Variants in MYO3B observed in about 807,000 individuals in gnomAD.
The protein encoded by MYO3B is myosin IIIB.
MYO3B carries 156 observed loss-of-function variants against 174.6 expected under a neutral mutation model. That is an observed-to-expected ratio of 0.89 (90% CI 0.78 to 1.02). The LOEUF (loss-of-function observed/expected upper bound fraction) is 1.02, where lower values mean the gene tolerates loss of function less well. Among genes scored for constraint, MYO3B ranks in the 50% least tolerant of loss-of-function variants. The pLI is 0.00. For synonymous variants in MYO3B, 563 were observed against 569.1 expected (o/e 0.99, Z 0.15); for missense variants, 1,632 against 1,639.4 (o/e 1.00, Z 0.08).
In MYO3B at chr2:170,593,328, C is replaced by G. The variant is rs191130310; in HGVS notation, c.3733+49340C>G. Among the ~76,000 whole-genome samples the G allele has an allele frequency of 2.6e-5, 4 of 152,294 alleles. No homozygotes were observed. The East Asian group carries it at 7.7e-4, about 29-fold the overall frequency. On this transcript the variant is annotated intron_variant, in intron 32 of 34. Transcript: ENST00000408978. ...ATGTTGCCCAGGCTGGTCTTGAACT[C>G]CTGGGCTCACGCGATCCTCCCACCT...
chr2:170,556,853 C>T (rs1691340996), intron 32 of MYO3B, among the ~76,000 whole-genome samples: 1 of 152,170 alleles, frequency 6.6e-6, no homozygotes, highest in South Asian at 2.1e-4. Context: ...TGTGTAGTCA[C>T]ATCTCATTAT....
chr2:170,548,027 A>C (rs1468225129), intron 32 of MYO3B, among the ~76,000 whole-genome samples: 1 of 140,886 alleles, frequency 7.1e-6, no homozygotes, highest in Admixed American at 7.8e-5. Context: ...GAATGGTGTG[A>C]ACCCGGGAGG....
rs570061037 is a variant in MYO3B at position 170,654,290 on chromosome 2, T to C, written c.*1169T>C. On this transcript the variant is annotated 3_prime_UTR_variant, in exon 35 of 35. Transcript: ENST00000408978. ...AACAAAGAAGCCCTATAAGACCATT[T>C]CTCTAGAACAGATGTTCTTAATATT... is the stretch of plus-strand genomic sequence containing the variant. 3 of 152,156 alleles carry C rather than the reference T, an allele frequency of 2.0e-5. No homozygotes were observed. The highest frequency in any genetic ancestry group is 1.9e-4 in the East Asian group (1 of 5,174). 9.4% of individuals were successfully genotyped at this position (152,156 alleles called of 1,614,324 possible). A position where few individuals can be genotyped will look rare whatever the true frequency, so the allele number is the denominator to read the frequency against.
At chr2:170,218,220 C>G (rs939865416) in intron 6 of MYO3B, among the ~76,000 whole-genome samples, 1 of 152,152 alleles carries the variant, frequency 6.6e-6, no homozygotes, top group African/African-American at 2.4e-5. Context: ...TGACCTCCCC[C>G]GCCTCCCATC....
At chr2:170,250,693 G>A (rs1014241784) in intron 7 of MYO3B, among the ~76,000 whole-genome samples, 48 of 152,150 alleles carry the variant, frequency 3.2e-4, no homozygotes, top group African/African-American at 1.1e-3. Flanking sequence ...CCAGTGTCCC[G>A]GAAGAACTGG....
chr2:170,307,242 CAAAAAAAAA>C (rs10718469), intron 7 of MYO3B, among the ~76,000 whole-genome samples: 3 of 57,682 alleles, frequency 5.2e-5, no homozygotes, highest in African/African-American at 1.7e-4. Flanking sequence ...GGCCTTATCT[CAAAAAAAAA>C]AAAAAAAAAA....
intron 32 of MYO3B, among the ~76,000 whole-genome samples, chr2:170,594,465 G>C (rs931933679): frequency 3.3e-5 from 5 of 152,192 alleles, no homozygotes; most frequent in African/African-American, 1.2e-4. Flanking sequence ...CTTCTAGTAA[G>C]CCAGTGTTTC....
At chr2:170,197,375 G>A (rs2105331729) in intron 1 of MYO3B, among the ~76,000 whole-genome samples, 1 of 152,312 alleles carries the variant, frequency 6.6e-6, no homozygotes, top group South Asian at 2.1e-4. Context: ...TACAGGGAAT[G>A]TTGCTGAGAT....
At position 170,604,680 on chromosome 2, in the gene MYO3B, A is replaced by C. The variant is rs1018425566; in HGVS notation, c.3734-46948A>C. Among the ~76,000 whole-genome samples, 4 of 152,320 alleles carry C rather than the reference A, an allele frequency of 2.6e-5. No homozygotes were observed. The East Asian group carries it at 7.7e-4, about 29-fold the overall frequency. ...CAGAACTTAAGCAACAAAAAAAGAC[A>C]AAGTAGGGATAGAAAAGCTATAATA... On this transcript the variant is annotated intron_variant, in intron 32 of 34. Transcript: ENST00000408978.
At chr2:170,451,221 A>G (rs928844327) in intron 23 of MYO3B, among the ~76,000 whole-genome samples, 1 of 152,206 alleles carries the variant, frequency 6.6e-6, no homozygotes, top group African/African-American at 2.4e-5. Context: ...AACTTTTTGC[A>G]TCTTTCATTT....
chr2:170,453,464 GAGAGAA>G (rs1366823596), intron 23 of MYO3B, among the ~76,000 whole-genome samples: 1 of 142,944 alleles, frequency 7.0e-6, no homozygotes, highest in Non-Finnish European at 1.6e-5. Flanking sequence ...GAGAGAGAGA[GAGAGAA>G]AGAGAGAGCG....
intron 32 of MYO3B, among the ~76,000 whole-genome samples, chr2:170,604,922 T>C (rs1694721310): frequency 6.6e-6 from 1 of 152,162 alleles, no homozygotes; most frequent in South Asian, 2.1e-4. Flanking sequence ...TTTTTCACAG[T>C]CTCTCTTTAA....
At chr2:170,197,018 G>GT (rs35829763) in intron 1 of MYO3B, among the ~76,000 whole-genome samples, 33,268 of 144,076 alleles carry the variant, frequency 0.23, 4,025 homozygotes, top group Non-Finnish European at 0.3. Context: ...ATCTTTTCAG[G>GT]TTTTTTTTTT....
intron 6 of MYO3B, among the ~76,000 whole-genome samples, chr2:170,217,874 T>C (rs1015105326): frequency 6.6e-6 from 1 of 152,182 alleles, no homozygotes; most frequent in African/African-American, 2.4e-5. Context: ...TAGTGAAACA[T>C]GGGATTTATT....
At chr2:170,616,007 AGTGT>A (rs879442238) in intron 32 of MYO3B, among the ~76,000 whole-genome samples, 11 of 152,232 alleles carry the variant, frequency 7.2e-5, no homozygotes, top group Non-Finnish European at 1.3e-4. Context: ...TTTACAATAT[AGTGT>A]GTGTGTCAGT....
intron 9 of MYO3B, among the ~76,000 whole-genome samples, chr2:170,375,773 G>C (rs763514689): frequency 6.6e-6 from 1 of 151,366 alleles, no homozygotes; most frequent in Non-Finnish European, 1.5e-5. Flanking sequence ...TACACTAATG[G>C]GTTATTGGGT....
intron 3 of MYO3B, among the ~76,000 whole-genome samples, chr2:170,209,712 A>C (rs942748256): frequency 2.6e-5 from 4 of 152,216 alleles, no homozygotes; most frequent in African/African-American, 9.6e-5. Flanking sequence ...AAGTTTGGTT[A>C]TCTCTCTTCT....
At chr2:170,636,289 C>T (rs1697465127) in intron 32 of MYO3B, among the ~76,000 whole-genome samples, 2 of 152,150 alleles carry the variant, frequency 1.3e-5, no homozygotes, top group South Asian at 4.1e-4. Flanking sequence ...TGGCCCTACT[C>T]TCAAAAACAG....
chr2:170,562,314 G>A (rs1212866502), intron 32 of MYO3B, among the ~76,000 whole-genome samples: 1 of 152,076 alleles, frequency 6.6e-6, no homozygotes, highest in Admixed American at 6.6e-5. Context: ...ACCCTATTTT[G>A]ACGTTTTAGA....
Sources: gnomAD v4.1 joint callset for allele counts (sites outside exome capture counted in the v4.1 genomes callset) on GRCh38, gnomAD v4.1.1 for gene constraint, MANE v1.5 for transcripts, NCBI Gene and HGNC (gene_info 2026-07-23, HGNC 2026-07-21) for gene names.